ACO2: variants seen among roughly 807,000 people sequenced by gnomAD.
ACO2 encodes the protein aconitate hydratase, mitochondrial.
A neutral mutation model predicts 84.5 loss-of-function variants in ACO2; 31 were observed. That is an observed-to-expected ratio of 0.37 (90% CI 0.28 to 0.50). The LOEUF (loss-of-function observed/expected upper bound fraction) is 0.50. Among genes scored for constraint, ACO2 ranks in the 20% least tolerant of loss-of-function variants. ACO2 has a pLI of 0.97. For synonymous variants in ACO2, 414 were observed against 412.7 expected, an observed-to-expected ratio of 1.00 and a Z score of -0.04; for missense variants, 685 against 1,029.3, an observed-to-expected ratio of 0.67 and a Z score of 4.58.
At chr22:41,478,070 A>G (rs1326818467) in intron 1 of ACO2, among the ~76,000 whole-genome samples, 1 of 152,122 alleles carries the variant, frequency 6.6e-6, no homozygotes, top group Admixed American at 6.5e-5. Context: ...GTCTCAAAAA[A>G]AAAACCAAAC....
chr22:41,477,470 A>G (rs1167074525), intron 1 of ACO2, among the ~76,000 whole-genome samples: 2 of 151,498 alleles, frequency 1.3e-5, no homozygotes, highest in Non-Finnish European at 2.9e-5. Context: ...CTTTAGTTTT[A>G]TTCTGCAGCA....
Position 41,515,714 on chromosome 22 carries a change from G to A in ACO2, c.685-53G>A. On this transcript the variant is annotated intron_variant, in intron 5 of 17. Coordinates refer to ENST00000216254, the MANE Select transcript of ACO2 (RefSeq NM_001098.3). This position sits in a 1 kb window ranked among gnomAD's most constrained non-coding sequence, Gnocchi z 5.8. ...GCAGCAGGGCCATCCTGACTTCGTG[G>A]CTGGCACAGGCACACACGGCCTCTC... 6.2e-7 allele frequency: 1 copy of A among 1,610,700 alleles called. No homozygotes were observed. The highest frequency in any genetic ancestry group is 8.5e-7 in the Non-Finnish European group (1 of 1,178,778).
At chr22:41,528,077 C>T in intron 17 of ACO2, 55 bp downstream of exon 17, 1 of 1,611,828 alleles carries the variant, frequency 6.2e-7, no homozygotes, top group Non-Finnish European at 8.5e-7. Context: ...CACCTTGTTT[C>T]CCCTCCTGCA....
chr22:41,509,092 C>G (rs1048873624), intron 3 of ACO2, among the ~76,000 whole-genome samples: 2 of 152,134 alleles, frequency 1.3e-5, no homozygotes, highest in African/African-American at 2.4e-5. Flanking sequence ...AGCAACAACA[C>G]TGGTGGGGGT....
Position 41,522,998 on chromosome 22 carries a change from A to G in ACO2, c.1296+11A>G, listed in dbSNP as rs1429754546. ...GAGCGGGACGGCTATGTGAGTGCCC[A>G]TATCCCCCTGCCCATCTCCCCCACC... On this transcript the variant is annotated intron_variant, in intron 10 of 17. Transcript: ENST00000216254. 1.9e-6 allele frequency: 3 copies of G among 1,613,656 alleles called. No individual in the cohort carries two copies. Among genetic ancestry groups the G allele is most frequent in the Admixed American group, 1.7e-5 (1 of 59,980 alleles).
chr22:41,496,458 TC>T (rs1463252286), intron 1 of ACO2, among the ~76,000 whole-genome samples: 2 of 152,126 alleles, frequency 1.3e-5, no homozygotes. Context: ...CTTTATATAA[TC>T]CCTCCAGATC....
At chr22:41,521,007 T>C (rs1431581101) in intron 9 of ACO2, among the ~76,000 whole-genome samples, 1 of 116,884 alleles carries the variant, frequency 8.6e-6, no homozygotes, top group Admixed American at 1.1e-4. Context: ...GACTCAAAAC[T>C]GCAGACTCAA....
chr22:41,503,951 C>T (rs772946154), intron 2 of ACO2, among the ~76,000 whole-genome samples: 1 of 152,214 alleles, frequency 6.6e-6, no homozygotes, highest in Non-Finnish European at 1.5e-5. Context: ...TGGTAGCCCA[C>T]GCCTGTAATC....
chr22:41,523,695 C>A, intron 11 of ACO2, 135 bp from the exon 12 acceptor site: 2 of 787,718 alleles, frequency 2.5e-6, no homozygotes, highest in Admixed American at 2.2e-5. Flanking sequence ...AGGAGGCAAC[C>A]CTGGCAGGGC....
chr22:41,493,464 T>G (rs759537195), intron 1 of ACO2, among the ~76,000 whole-genome samples: 17 of 151,232 alleles, frequency 1.1e-4, no homozygotes, highest in Non-Finnish European at 2.2e-4. Flanking sequence ...AAGCCAGGAG[T>G]CAAGCTGAGA....
chr22:41,494,417 T>C (rs2146100133), intron 1 of ACO2, among the ~76,000 whole-genome samples: 1 of 152,046 alleles, frequency 6.6e-6, no homozygotes, highest in South Asian at 2.1e-4. Context: ...GTATCTTTTT[T>C]TTTTTTTTTT....
rs146048865 is a variant in ACO2, at chr22:41,469,172, C to T, written c.26C>T (p.Thr9Ile). 5.2e-5 allele frequency: 84 copies of T among 1,608,612 alleles called. No homozygotes were observed. The highest frequency in any genetic ancestry group is 1.2e-4 in the Admixed American group (7 of 59,436). The change falls in exon 1 of 18, where the codon ACT (threonine) becomes ATT (isoleucine). Residue 9 changes from threonine (T) to isoleucine (I), a missense_variant. Around this residue, in one of 5 missense-constraint regions of ACO2, gnomAD observed 98 missense variants for 107.6 expected, o/e 0.91. Coordinates refer to ENST00000216254, the MANE Select transcript of ACO2 (RefSeq NM_001098.3). MAPYSLLV[T>I]RLQKALGVRQ... ...ATGGCGCCCTACAGCCTACTGGTGA[C>T]TCGGCTGCAGGTGAGCGAGCTCAGG...
chr22:41,485,785 C>G (rs1006345973), intron 1 of ACO2, among the ~76,000 whole-genome samples: 6 of 152,060 alleles, frequency 3.9e-5, no homozygotes, highest in Admixed American at 3.9e-4. Flanking sequence ...CCGGGTTTCT[C>G]CATGTTGGTC....
intron 1 of ACO2, among the ~76,000 whole-genome samples, chr22:41,471,089 T>C (rs1248749392): frequency 1.4e-5 from 1 of 73,624 alleles, no homozygotes; most frequent in Non-Finnish European, 3.1e-5. Context: ...AGTAAGTTAC[T>C]TCCTGAATCC....
chr22:41,492,421 G>A (rs1272316250), intron 1 of ACO2, among the ~76,000 whole-genome samples: 1 of 152,126 alleles, frequency 6.6e-6, no homozygotes, highest in African/African-American at 2.4e-5. Flanking sequence ...CGGATCACCT[G>A]AGGTCAGGAG....
At chr22:41,480,974 TG>T (rs537417151) in intron 1 of ACO2, among the ~76,000 whole-genome samples, 182 of 152,216 alleles carry the variant, frequency 1.2e-3, no homozygotes, top group African/African-American at 4.3e-3. Context: ...GGCTAATTTT[TG>T]TATTTTTTTG....
chr22:41,506,496 G>A (rs1163398492), intron 2 of ACO2, among the ~76,000 whole-genome samples: 1 of 151,984 alleles, frequency 6.6e-6, no homozygotes, highest in Non-Finnish European at 1.5e-5. Flanking sequence ...CTCATGATCC[G>A]CCTGTCTCGG....
At chr22:41,506,386 G>A (rs1336637904) in intron 2 of ACO2, among the ~76,000 whole-genome samples, 1 of 152,078 alleles carries the variant, frequency 6.6e-6, no homozygotes, top group Non-Finnish European at 1.5e-5. Flanking sequence ...CCGAGTAGCT[G>A]GGACTACAGG....
intron 2 of ACO2, among the ~76,000 whole-genome samples, 165 bp downstream of exon 2, chr22:41,500,027 G>A (rs913680615): frequency 2.0e-5 from 3 of 152,106 alleles, no homozygotes; most frequent in African/African-American, 7.2e-5. Context: ...CCAGATCAGT[G>A]GTGTAACTTC....
Sources: allele counts gnomAD v4.1 joint callset (sites outside exome capture counted in the v4.1 genomes callset), GRCh38; gene constraint gnomAD v4.1.1; regional missense constraint gnomAD v4.1.1; non-coding constraint Gnocchi (gnomAD v3.1); transcripts MANE v1.5; gene names NCBI Gene and HGNC (gene_info 2026-07-23, HGNC 2026-07-21).